The following OSBPL7 variants were observed in gnomAD, a reference collection of about 807,000 sequenced individuals.
OSBPL7 encodes the protein oxysterol-binding protein-related protein 7.
In OSBPL7, 66 loss-of-function variants were observed where a neutral mutation model predicts 115.8. The ratio of observed to expected loss-of-function variants is 0.57; its 90% CI spans 0.47 to 0.70. OSBPL7 has a LOEUF of 0.70. OSBPL7 is among the 30% of genes least tolerant of loss of function. The probability of loss-of-function intolerance (pLI) is 0.00; values close to 1 mark genes in which losing one functional copy is unlikely to be tolerated. For missense variants in OSBPL7, 902 were observed against 1,125.5 expected, an observed-to-expected ratio of 0.80 and a Z score of 2.84; for synonymous variants, 441 against 439.2, an observed-to-expected ratio of 1.00 and a Z score of -0.05.
At chr17:47,815,874 G>A (rs1387327028) in intron 12 of OSBPL7, 22 of 471,974 alleles carry the variant, frequency 4.7e-5, no homozygotes, top group Non-Finnish European at 7.6e-5. Context: ...TATGCTGAGG[G>A]TGAGAATCAC....
Position 47,816,544 on chromosome 17 carries a change from C to A in OSBPL7, c.928+19G>T. ...CGCTCCTGTCCGCTCCCCACCAGCC[C>A]CTCCCAGCAGGCACTTACCCTTCTG... On this transcript the variant is annotated intron_variant, in intron 10 of 22. Transcript: ENST00000007414. The surrounding 1 kb of genome is among the most constrained non-coding windows in gnomAD (Gnocchi z 5.8). 1 of 1,601,442 alleles carries A rather than the reference C, an allele frequency of 6.2e-7. No homozygotes were observed. Among genetic ancestry groups the A allele is most frequent in the South Asian group, 1.1e-5 (1 of 89,404 alleles).
intron 7 of OSBPL7, 138 bp downstream of exon 7, chr17:47,818,131 A>T (rs2033282044): frequency 1.4e-6 from 1 of 716,272 alleles, no homozygotes; most frequent in African/African-American, 1.8e-5. Context: ...GGGCCCAGGT[A>T]GACTGGATCT....
chr17:47,815,463 T>A (rs2033184684), intron 12 of OSBPL7, 111 bp from the exon 13 acceptor site: 8 of 1,430,274 alleles, frequency 5.6e-6, no homozygotes, highest in Non-Finnish European at 7.6e-6. Context: ...CCGGGCACTT[T>A]TGCTGAGTCA....
Position 47,813,826 on chromosome 17 carries a change from C to T in OSBPL7, c.1360G>A (p.Val454Ile). 1.2e-6 allele frequency: 2 copies of T among 1,609,126 alleles called. No individual in the cohort carries two copies. Among genetic ancestry groups the T allele is most frequent in the Non-Finnish European group, 1.7e-6 (2 of 1,178,814 alleles). The change falls in exon 15 of 23, where the codon GTT becomes ATT. Residue 454 changes from valine (V) to isoleucine (I), a missense_variant. By Grantham distance (29) the Val-to-Ile change is conservative (BLOSUM62 3). Around this residue, in one of 3 missense-constraint regions of OSBPL7, gnomAD observed 667 missense variants for 788.7 expected, o/e 0.85. Transcript: ENST00000007414. ...GGTGGCCCCATGGGTCTCCCTGGAACACACCCCCCTGGGGCCGCCCTGCCA... is the reference window on the plus strand; with the variant it reads ...GGTGGCCCCATGGGTCTCCCTGGAATACACCCCCCTGGGGCCGCCCTGCCA... The part of the protein sequence containing the change: ...GAERCQKGGC[V>I]PGRPMGPPRR...
intron 5 of OSBPL7, among the ~76,000 whole-genome samples, 157 bp from the exon 6 acceptor site, chr17:47,818,773 C>T (rs1403601410): frequency 1.3e-5 from 2 of 152,276 alleles, no homozygotes; most frequent in Non-Finnish European, 2.9e-5. Context: ...CGCAAGGCGC[C>T]CAGGTGTCTG....
At position 47,813,697 on chromosome 17, in the gene OSBPL7, G is replaced by A. The variant is rs1360063591; in HGVS notation, c.1489C>T (p.Pro497Ser). 2 of 1,613,306 alleles carry A rather than the reference G, an allele frequency of 1.2e-6. No individual in the cohort carries two copies. Among genetic ancestry groups the A allele is most frequent in the South Asian group, 2.2e-5 (2 of 91,094 alleles). Residue 497 changes from proline to serine, a missense_variant, in exon 15 of 23, where the codon CCT becomes TCT. By Grantham distance (74) the Pro-to-Ser change is moderately conservative (BLOSUM62 -1). Around this residue, in one of 3 missense-constraint regions of OSBPL7, gnomAD observed 667 missense variants for 788.7 expected, o/e 0.85. Coordinates refer to ENST00000007414, the MANE Select transcript of OSBPL7 (RefSeq NM_145798.3). ...TTGAGCGGCTCGTTGAGCTGCACAG[G>A]CATTGACACCTTGGACAGGTCTTTG... ...IGKDLSKVSM[P>S]VQLNEPLNTL... is the part of the protein sequence containing the mutation.
In OSBPL7 at chr17:47,810,641, T is replaced by C. The variant is rs376003298; in HGVS notation, c.1833A>G (p.Lys611=). The C allele has an allele frequency of 6.2e-7, 1 of 1,614,144 alleles. No homozygotes were observed. Among genetic ancestry groups the C allele is most frequent in the Non-Finnish European group, 8.5e-7 (1 of 1,180,004 alleles). ...DMKWKNKFWG[K]SLEIVPVGTV... is the part of the protein sequence containing the mutation. The stretch of plus-strand genomic sequence containing the variant: ...TTCCCACAGGCACAATCTCCAGGGA[T>C]TTGCCCCAGAACTTGTTCTTCCACT... Residue 611 remains lysine, a synonymous_variant, in exon 18 of 23, where the codon AAA becomes AAG. Transcript: ENST00000007414.
chr17:47,812,349 G>A (rs553149470), intron 16 of OSBPL7, among the ~76,000 whole-genome samples: 2 of 152,296 alleles, frequency 1.3e-5, no homozygotes, highest in East Asian at 3.9e-4. Flanking sequence ...CCCGAGGGCA[G>A]TCCTCCCTTG....
chr17:47,814,383 A>G, intron 14 of OSBPL7, 138 bp downstream of exon 14: 1 of 753,354 alleles, frequency 1.3e-6, no homozygotes, highest in Non-Finnish European at 2.1e-6. Context: ...GGCCTTCCTT[A>G]GCTCCTGGGG....
At chr17:47,817,425 T>A in intron 7 of OSBPL7, 66 bp from the exon 8 acceptor site, 1 of 1,184,770 alleles carries the variant, frequency 8.4e-7, no homozygotes, top group Non-Finnish European at 1.2e-6. Flanking sequence ...GTTTTGCTCT[T>A]GTTGCCCAGG....
rs781460938 is a variant in OSBPL7, at chr17:47,816,857, C to T, written c.718G>A (p.Glu240Lys). Residue 240 changes from glutamate (E) to lysine (K), a missense_variant, in exon 9 of 23, where the codon GAA becomes AAA. This residue lies in a region of OSBPL7 where 667 missense variants were observed against 788.7 expected (regional missense o/e 0.85). Transcript: ENST00000007414. The surrounding 1 kb of genome is among the most constrained non-coding windows in gnomAD (Gnocchi z 5.8). ...IPTHQASVTTERPKKGKRTSR... is the reference protein window; with the variant it reads ...IPTHQASVTTKRPKKGKRTSR... ...GTCCGTTTCCCCTTCTTGGGTCTTT[C>T]GGTTGTCACTGAGGCCTGGCAAGTC... The T allele has an allele frequency of 1.2e-5, 20 of 1,613,812 alleles. No homozygotes were observed. The highest frequency in any genetic ancestry group is 2.2e-5 in the East Asian group (1 of 44,896).
Position 47,816,726 on chromosome 17 carries a change from CG to C in OSBPL7, c.796-32del. ...GGTGAAGGGGAAGGGCTGAAGGGGC[CG>C]GCCTCCTTAGAGCATCCTGCCCCAG... On this transcript the variant is annotated intron_variant, in intron 9 of 22. Transcript: ENST00000007414. This position sits in a 1 kb window ranked among gnomAD's most constrained non-coding sequence, Gnocchi z 5.8. 6.2e-7 allele frequency: 1 copy of C among 1,614,010 alleles called. No homozygotes were observed. The highest frequency in any genetic ancestry group is 1.1e-5 in the South Asian group (1 of 91,076).
Position 47,818,599 on chromosome 17 carries a change from T to A in OSBPL7, c.387A>T (p.Leu129=), listed in dbSNP as rs752220786. 2 of 1,612,890 alleles carry A rather than the reference T, an allele frequency of 1.2e-6. No homozygotes were observed. Among genetic ancestry groups the A allele is most frequent in the Non-Finnish European group, 1.7e-6 (2 of 1,179,806 alleles). The change falls in exon 6 of 23, where the codon CTA becomes CTT. Residue 129 remains leucine, a synonymous_variant. Transcript: ENST00000007414. ...IYHLKIKSQD[L]FQSWVAQLRA... ...GCAGCTGCGCCACCCAGCTCTGGAA[T>A]AGGTCCTGGGATTTGATCTGCAGAA...
rs760828636 is a variant in OSBPL7, at chr17:47,808,517, C to T, written c.2420+21G>A. The T allele has an allele frequency of 3.2e-5, 52 of 1,613,898 alleles. No homozygotes were observed. The highest frequency in any genetic ancestry group is 8.0e-5 in the African/African-American group (6 of 74,920). Reference sequence around the variant, plus strand: ...GCAGGGCTCATGGGGAGACCCAGGGCGGAGGGCGAGGCCGAGGCACCTGAA... The same window carrying T: ...GCAGGGCTCATGGGGAGACCCAGGGTGGAGGGCGAGGCCGAGGCACCTGAA... On this transcript the variant is annotated intron_variant, in intron 22 of 22. Coordinates refer to ENST00000007414, the MANE Select transcript of OSBPL7 (RefSeq NM_145798.3). This position sits in a 1 kb window ranked among gnomAD's most constrained non-coding sequence, Gnocchi z 6.1.
intron 18 of OSBPL7, 127 bp downstream of exon 18, chr17:47,810,467 G>A (rs370744317): frequency 7.1e-5 from 52 of 735,676 alleles, no homozygotes; most frequent in African/African-American, 4.9e-4. Flanking sequence ...AGACACTGAC[G>A]CCACTGCAAG....
Position 47,818,403 on chromosome 17 carries a change from G to A in OSBPL7, c.481-17C>T. The A allele has an allele frequency of 6.2e-7, 1 of 1,609,546 alleles. No individual in the cohort carries two copies. The highest frequency in any genetic ancestry group is 1.3e-5 in the African/African-American group (1 of 74,974). On this transcript the variant is annotated splice_polypyrimidine_tract_variant and intron_variant, in intron 6 of 22. Transcript: ENST00000007414. ...ACCAGGAACCTGTGGGGTGAGCCCAGGGTCAGGAAGGATGATGCCCACCTC... is the reference window on the plus strand; with the variant it reads ...ACCAGGAACCTGTGGGGTGAGCCCAAGGTCAGGAAGGATGATGCCCACCTC...
At chr17:47,818,411 A>G (rs753393616) in intron 6 of OSBPL7, 25 bp from the exon 7 acceptor site, 21 of 1,606,322 alleles carry the variant, frequency 1.3e-5, no homozygotes, top group Admixed American at 1.7e-5. Context: ...CAGGGTCAGG[A>G]AGGATGATGC....
chr17:47,814,479 A>ACCCCCCCCCCCCCCCCCCCCC, intron 14 of OSBPL7, 42 bp downstream of exon 14: 3 of 1,086,680 alleles, frequency 2.8e-6, no homozygotes, highest in African/African-American at 1.6e-5. Flanking sequence ...CTGTTTTTCC[A>ACCCCCCCCCCCCCCCCCCCCC]CCCGCCTCCC....
Position 47,816,729 on chromosome 17 carries a change from C to T in OSBPL7, c.796-34G>A, listed in dbSNP as rs758773583. ...GAAGGGGAAGGGCTGAAGGGGCCGG[C>T]CTCCTTAGAGCATCCTGCCCCAGCT... On this transcript the variant is annotated intron_variant, in intron 9 of 22. Coordinates refer to ENST00000007414, the MANE Select transcript of OSBPL7 (RefSeq NM_145798.3). The surrounding 1 kb of genome is among the most constrained non-coding windows in gnomAD (Gnocchi z 5.8). 6 of 1,614,016 alleles carry T rather than the reference C, an allele frequency of 3.7e-6. No individual in the cohort carries two copies. The highest frequency in any genetic ancestry group is 5.1e-6 in the Non-Finnish European group (6 of 1,179,948).
Sources: gnomAD v4.1 joint callset for allele counts (sites outside exome capture counted in the v4.1 genomes callset) on GRCh38, gnomAD v4.1.1 for gene constraint, gnomAD v4.1.1 regional missense constraint, Gnocchi (gnomAD v3.1) non-coding constraint, MANE v1.5 for transcripts, NCBI Gene and HGNC (gene_info 2026-07-23, HGNC 2026-07-21) for gene names.